TSHZ2: variants seen among roughly 807,000 people sequenced by gnomAD.
TSHZ2 encodes the protein teashirt homolog 2.
TSHZ2 carries 21 observed loss-of-function variants against 74.4 expected under a neutral mutation model. That is an observed-to-expected ratio of 0.28 (90% CI 0.20 to 0.41). The LOEUF is 0.41. Among genes scored for constraint, TSHZ2 ranks in the 10% least tolerant of loss-of-function variants. The pLI, the probability that TSHZ2 is intolerant of heterozygous loss-of-function variation, is 1.00. For synonymous variants in TSHZ2, 540 were observed against 515.3 expected (o/e 1.05, Z -0.65); for missense variants, 1,244 against 1,293.5 (o/e 0.96, Z 0.59).
intron 1 of TSHZ2, among the ~76,000 whole-genome samples, chr20:53,181,577 G>A (rs745422735): frequency 3.3e-5 from 5 of 152,154 alleles, no homozygotes; most frequent in South Asian, 2.1e-4. Context: ...GTAGGGGGTC[G>A]TTGCTTTTAT....
intron 1 of TSHZ2, chr20:53,185,782 C>T (rs937946458): frequency 3.7e-6 from 5 of 1,363,742 alleles, no homozygotes; most frequent in Non-Finnish European, 5.0e-6. Flanking sequence ...ATGGTTTGAA[C>T]ACTAATTAAT....
intron 1 of TSHZ2, among the ~76,000 whole-genome samples, chr20:53,000,266 T>C (rs1347598645): frequency 1.3e-5 from 2 of 152,238 alleles, no homozygotes; most frequent in African/African-American, 2.4e-5. Flanking sequence ...TTAGGTTATA[T>C]AAGTACCTAT....
chr20:53,464,476 T>A (rs1660560098), intron 2 of TSHZ2, among the ~76,000 whole-genome samples: 1 of 152,058 alleles, frequency 6.6e-6, no homozygotes, highest in African/African-American at 2.4e-5. Context: ...GATTTTTTTT[T>A]TCTAAGAGAC....
intron 2 of TSHZ2, among the ~76,000 whole-genome samples, chr20:53,420,920 C>G (rs1033503133): frequency 4.6e-5 from 7 of 152,228 alleles, no homozygotes; most frequent in Admixed American, 2.6e-4. Context: ...GGCTCACTCA[C>G]TCAAACATAT....
At position 53,109,111 on chromosome 20, in the gene TSHZ2, ATC is replaced by A. The variant is rs140112583; in HGVS notation, c.40+135784_40+135785del. Among the ~76,000 whole-genome samples, 1,250 of 149,568 alleles carry A rather than the reference ATC, an allele frequency of 8.4e-3. 11 individuals are homozygous for A. Among genetic ancestry groups the A allele is most frequent in the South Asian group, 0.018 (87 of 4,742 alleles). ...CCTCTCTCCATACAAACATTCTCAA[ATC>A]TCTCTTTTCAACAAATAGACAAATA... is the stretch of plus-strand genomic sequence containing the variant. On this transcript the variant is annotated intron_variant, in intron 1 of 2. Coordinates refer to ENST00000371497, the MANE Select transcript of TSHZ2 (RefSeq NM_173485.6).
chr20:53,295,946 G>A (rs970009989), intron 2 of TSHZ2, among the ~76,000 whole-genome samples: 1 of 147,428 alleles, frequency 6.8e-6, no homozygotes. Flanking sequence ...CCTCCTAAAA[G>A]TTTCTCTCAT....
At chr20:53,264,794 CTG>C (rs1193198213) in intron 2 of TSHZ2, among the ~76,000 whole-genome samples, 4 of 152,150 alleles carry the variant, frequency 2.6e-5, no homozygotes, top group African/African-American at 9.7e-5. Flanking sequence ...GGAGCACTCA[CTG>C]TAGGTTAGGA....
intron 2 of TSHZ2, among the ~76,000 whole-genome samples, chr20:53,446,407 CAAA>C (rs34010689): frequency 6.4e-4 from 81 of 127,450 alleles, no homozygotes; most frequent in Admixed American, 2.2e-3. Context: ...ACTAAAAATA[CAAA>C]AAAAAAAAAA....
chr20:53,224,446 C>T (rs963255408), intron 1 of TSHZ2, among the ~76,000 whole-genome samples: 1 of 150,804 alleles, frequency 6.6e-6, no homozygotes, highest in African/African-American at 2.4e-5. Context: ...CTCCATTTTC[C>T]CATCTACACA....
chr20:53,356,914 A>C (rs1449013366), intron 2 of TSHZ2, among the ~76,000 whole-genome samples: 3 of 152,196 alleles, frequency 2.0e-5, no homozygotes, highest in African/African-American at 7.2e-5. Flanking sequence ...TAAATGGAAA[A>C]GAATAAATTC....
intron 2 of TSHZ2, among the ~76,000 whole-genome samples, chr20:53,460,656 G>GT (rs1314068961): frequency 6.6e-6 from 1 of 152,178 alleles, no homozygotes; most frequent in African/African-American, 2.4e-5. Context: ...TTTCTGTTCT[G>GT]TTTTTTCCCC....
intron 2 of TSHZ2, among the ~76,000 whole-genome samples, chr20:53,349,437 A>G (rs1980559841): frequency 6.6e-6 from 1 of 152,224 alleles, no homozygotes; most frequent in Non-Finnish European, 1.5e-5. Flanking sequence ...AGATCACTTG[A>G]GTCCTGGAGT....
intron 1 of TSHZ2, among the ~76,000 whole-genome samples, chr20:53,037,977 G>T (rs115601635): frequency 1.3e-5 from 2 of 151,784 alleles, no homozygotes; most frequent in African/African-American, 4.8e-5. Context: ...TCAGTCTGTC[G>T]CTCATGCTCG....
chr20:53,461,065 C>G lies in TSHZ2; in HGVS notation c.*9-26079C>G, dbSNP rs1340931518. 3.5e-4 allele frequency among the ~76,000 whole-genome samples: 53 copies of G among 152,254 alleles called. No individual in the cohort carries two copies. In the South Asian group the frequency reaches 4.4e-3, roughly 13 times the overall value. On this transcript the variant is annotated intron_variant, in intron 2 of 2. Transcript: ENST00000371497. ...AGGCCTCCTTGAGCTGTGGTGGGCT[C>G]CACCCAGTTCGAGCTTCCCGGCTGC...
chr20:53,072,571 T>C (rs1028889602), intron 1 of TSHZ2, among the ~76,000 whole-genome samples: 3 of 152,228 alleles, frequency 2.0e-5, no homozygotes, highest in Admixed American at 1.3e-4. Flanking sequence ...ATGTCTTGTT[T>C]CCATTCTATT....
At chr20:53,420,618 T>G (rs1193982966) in intron 2 of TSHZ2, among the ~76,000 whole-genome samples, 1 of 152,002 alleles carries the variant, frequency 6.6e-6, no homozygotes, top group African/African-American at 2.4e-5. Flanking sequence ...CCCAGCTACT[T>G]GGGACTACTG....
intron 1 of TSHZ2, among the ~76,000 whole-genome samples, chr20:53,129,519 A>C (rs901587956): frequency 6.6e-6 from 1 of 152,244 alleles, no homozygotes; most frequent in Non-Finnish European, 1.5e-5. Flanking sequence ...TTATAGCTAT[A>C]ATATATCAAT....
intron 1 of TSHZ2, among the ~76,000 whole-genome samples, chr20:53,135,035 C>CACACACACA (rs34209903): frequency 6.7e-6 from 1 of 149,884 alleles, no homozygotes; most frequent in Admixed American, 6.6e-5. Flanking sequence ...CACACACACA[C>CACACACACA]AAGGGTTGTG....
At chr20:52,981,244 G>A (rs977589844) in intron 1 of TSHZ2, among the ~76,000 whole-genome samples, 5 of 152,152 alleles carry the variant, frequency 3.3e-5, no homozygotes, top group East Asian at 1.9e-4. Context: ...ATTTAGCCCC[G>A]GGCAAGCTCT....
Sources: gnomAD v4.1 joint callset for allele counts (sites outside exome capture counted in the v4.1 genomes callset) on GRCh38, gnomAD v4.1.1 for gene constraint, MANE v1.5 for transcripts, NCBI Gene and HGNC (gene_info 2026-07-23, HGNC 2026-07-21) for gene names.